The following TRIM24 variants were observed in gnomAD, a reference collection of about 807,000 sequenced individuals.
TRIM24 encodes the protein transcription intermediary factor 1-alpha.
A neutral mutation model predicts 123.9 loss-of-function variants in TRIM24; 29 were observed. That is an observed-to-expected ratio of 0.23 (90% confidence interval 0.17 to 0.32). The LOEUF (loss-of-function observed/expected upper bound fraction) is 0.32. TRIM24 is among the 10% of genes least tolerant of loss of function. The pLI is 1.00. For missense variants in TRIM24, 932 were observed against 1,295.3 expected (o/e 0.72, Z 4.31); for synonymous variants, 456 against 461.1 (o/e 0.99, Z 0.14).
At position 138,554,572 on chromosome 7, in the gene TRIM24, TA is replaced by T; in HGVS notation, c.1262-123del. The T allele has an allele frequency of 2.1e-6, 2 of 970,120 alleles. No homozygotes were observed. The highest frequency in any genetic ancestry group is 1.5e-6 in the Non-Finnish European group (1 of 655,910). The allele number at this position is 970,120 out of a possible 1,614,324, so 60.1% of individuals were successfully genotyped here. On this transcript the variant is annotated intron_variant, in intron 8 of 18. Coordinates refer to ENST00000343526, the MANE Select transcript of TRIM24 (RefSeq NM_015905.3). The surrounding 1 kb of genome is among the most constrained non-coding windows in gnomAD (Gnocchi z 4.5). ...GTTTGGGGGTTCTCTTTCAGAGTGT[TA>T]AAGGGCTCATGAGATCAGAGAATTT... is the stretch of plus-strand genomic sequence containing the variant.
At position 138,587,995 on chromosome 7, in the gene TRIM24, G is replaced by A. The variant is rs965346704; in HGVS notation, c.*3044G>A. The stretch of plus-strand genomic sequence containing the variant: ...TAGGAAAGTGGAAGGTACTAAAAAG[G>A]AAAATGTAGTTTTAGTTTCTTTTCT... On this transcript the variant is annotated 3_prime_UTR_variant, in exon 19 of 19. Coordinates refer to ENST00000343526, the MANE Select transcript of TRIM24 (RefSeq NM_015905.3). The A allele has an allele frequency of 2.0e-5, 3 of 152,164 alleles. No homozygotes were observed. Among genetic ancestry groups the A allele is most frequent in the African/African-American group, 7.2e-5 (3 of 41,428 alleles). 9.4% of individuals were successfully genotyped at this position (152,164 alleles called of 1,614,324 possible).
intron 1 of TRIM24, among the ~76,000 whole-genome samples, chr7:138,491,865 TG>T (rs1227724894): frequency 6.6e-6 from 1 of 152,130 alleles, no homozygotes; most frequent in Non-Finnish European, 1.5e-5. Flanking sequence ...CCATCCCTAG[TG>T]GGTGTGAAGT....
chr7:138,538,023 C>G (rs534416877), intron 6 of TRIM24, among the ~76,000 whole-genome samples: 157 of 152,350 alleles, frequency 1.0e-3, no homozygotes, highest in African/African-American at 3.6e-3. Flanking sequence ...AAGGAAAGCA[C>G]ATACATACCT....
Position 138,580,624 on chromosome 7 carries a change from A to G in TRIM24, c.2648A>G (p.Asp883Gly), listed in dbSNP as rs574909168. ...AAACCAGAAGTTGAATATGATTGTG[A>G]TGCTCCCAGTCACAACTCAGAAAAA... Reference protein sequence around the residue: ...LSKPEVEYDCDAPSHNSEKKK... With the variant: ...LSKPEVEYDCGAPSHNSEKKK... The change falls in exon 16 of 19, where the codon GAT (aspartate) becomes GGT (glycine). Residue 883 changes from aspartate (D) to glycine (G), a missense_variant. By Grantham distance (94) the Asp-to-Gly change is moderately conservative (BLOSUM62 -1). Coordinates refer to ENST00000343526, the MANE Select transcript of TRIM24 (RefSeq NM_015905.3). 6 of 1,613,800 alleles carry G rather than the reference A, an allele frequency of 3.7e-6. No individual in the cohort carries two copies. Among genetic ancestry groups the G allele is most frequent in the Non-Finnish European group, 5.1e-6 (6 of 1,179,906 alleles).
intron 1 of TRIM24, chr7:138,490,584 T>G: frequency 4.2e-6 from 1 of 239,300 alleles, no homozygotes; most frequent in Non-Finnish European, 8.2e-6. Flanking sequence ...AGAAAACAGA[T>G]TATTGGACTG....
At chr7:138,537,379 G>GT (rs71177994) in intron 6 of TRIM24, among the ~76,000 whole-genome samples, 5,390 of 56,356 alleles carry the variant, frequency 0.096, 1,454 homozygotes, top group East Asian at 0.25. Flanking sequence ...ACCCCTGTTT[G>GT]TTTTTTTTTT....
intron 6 of TRIM24, 46 bp from the exon 7 acceptor site, chr7:138,538,611 A>G (rs758747544): frequency 1.9e-6 from 3 of 1,598,456 alleles, no homozygotes; most frequent in African/African-American, 1.3e-5. Context: ...ATCAAAGTCT[A>G]TGTTACATGC....
chr7:138,504,920 C>T (rs1244559085), intron 2 of TRIM24, among the ~76,000 whole-genome samples: 1 of 151,982 alleles, frequency 6.6e-6, no homozygotes, highest in African/African-American at 2.4e-5. Flanking sequence ...GCCACTATGC[C>T]CAGCTAATTT....
At position 138,589,590 on chromosome 7, in the gene TRIM24, T is replaced by G. The variant is rs1255454392; in HGVS notation, c.*4639T>G. On this transcript the variant is annotated 3_prime_UTR_variant, in exon 19 of 19. Transcript: ENST00000343526. ...GTGTATTTCACCAGCCTTAAAAGAT[T>G]TAAAAAAAAATCTGACAGGAAGGAA... 1.3e-5 allele frequency: 2 copies of G among 152,066 alleles called. No homozygotes were observed. The highest frequency in any genetic ancestry group is 6.5e-5 in the Admixed American group (1 of 15,270). The allele number at this position is 152,066 out of a possible 1,614,324, so 9.4% of individuals were successfully genotyped here.
intron 1 of TRIM24, among the ~76,000 whole-genome samples, chr7:138,483,825 T>A (rs1461354709): frequency 6.6e-6 from 1 of 152,140 alleles, no homozygotes; most frequent in Non-Finnish European, 1.5e-5. Flanking sequence ...TTGGCTTGTT[T>A]GAATAATTAT....
chr7:138,550,663 C>G (rs527437457), intron 7 of TRIM24, among the ~76,000 whole-genome samples: 1 of 152,248 alleles, frequency 6.6e-6, no homozygotes, highest in East Asian at 1.9e-4. Flanking sequence ...AGGCCCAGTT[C>G]CATTTCCTAA....
At chr7:138,575,969 T>C (rs1209686870) in intron 12 of TRIM24, among the ~76,000 whole-genome samples, 1 of 152,218 alleles carries the variant, frequency 6.6e-6, no homozygotes, top group East Asian at 1.9e-4. Context: ...CCACTGGCAC[T>C]AGGGTCTCAC....
In TRIM24 at chr7:138,519,197, G is replaced by T. The variant is rs1318748750; in HGVS notation, c.640G>T (p.Gly214Cys). 3.1e-6 allele frequency: 5 copies of T among 1,613,946 alleles called. No individual in the cohort carries two copies. The highest frequency in any genetic ancestry group is 4.2e-6 in the Non-Finnish European group (5 of 1,179,992). The change falls in exon 4 of 19, where the codon GGT (glycine) becomes TGT (cysteine). Residue 214 changes from glycine to cysteine, a missense_variant. Gly to Cys is a radical substitution (Grantham distance 159). Coordinates refer to ENST00000343526, the MANE Select transcript of TRIM24 (RefSeq NM_015905.3). Reference protein sequence around the residue: ...QKEEVSPEAVGVTSQRPVFCP... With the variant: ...QKEEVSPEAVCVTSQRPVFCP... ...TCCCATTGTTTCTGCAGAGGCAGTT[G>T]GTGTCACCAGCCAGCGACCAGTGTT...
chr7:138,484,951 T>TATAAATTGAATATATATA (rs1795611645), intron 1 of TRIM24, among the ~76,000 whole-genome samples: 2 of 152,062 alleles, frequency 1.3e-5, no homozygotes, highest in African/African-American at 4.8e-5. Context: ...TTATATAAAT[T>TATAAATTGAATATATATA]TTCAATTTTA....
chr7:138,550,529 A>G (rs562853718), intron 7 of TRIM24, among the ~76,000 whole-genome samples: 1 of 152,282 alleles, frequency 6.6e-6, no homozygotes, highest in East Asian at 1.9e-4. Flanking sequence ...ATGTTCATTG[A>G]TGACTGCAGC....
At chr7:138,482,759 T>G (rs571519853) in intron 1 of TRIM24, among the ~76,000 whole-genome samples, 4 of 151,770 alleles carry the variant, frequency 2.6e-5, no homozygotes, top group Admixed American at 6.6e-5. Flanking sequence ...ATGTGTGGGG[T>G]TTTTTTTCCT....
chr7:138,501,882 C>T (rs562238916), intron 1 of TRIM24, among the ~76,000 whole-genome samples: 3 of 146,876 alleles, frequency 2.0e-5, no homozygotes, highest in Middle Eastern at 3.5e-3. Context: ...GGCAAGACTC[C>T]GTCTCAAAAA....
chr7:138,514,862 G>A (rs2116554724), intron 2 of TRIM24: 1 of 172,040 alleles, frequency 5.8e-6, no homozygotes, highest in Non-Finnish European at 1.2e-5. Flanking sequence ...AGGGAACTGG[G>A]ATTTTAACCT....
chr7:138,535,778 C>T (rs746595321), intron 6 of TRIM24, among the ~76,000 whole-genome samples: 20 of 152,144 alleles, frequency 1.3e-4, no homozygotes, highest in Admixed American at 5.9e-4. Context: ...GCTAGGTTGG[C>T]GAAGTTCTCC....
Sources: gnomAD v4.1 joint callset for allele counts (sites outside exome capture counted in the v4.1 genomes callset) on GRCh38, gnomAD v4.1.1 for gene constraint, Gnocchi (gnomAD v3.1) non-coding constraint, MANE v1.5 for transcripts, NCBI Gene and HGNC (gene_info 2026-07-23, HGNC 2026-07-21) for gene names.